The following ALK variants were observed in gnomAD, a reference collection of about 807,000 sequenced individuals.
The protein encoded by ALK is ALK receptor tyrosine kinase.
A neutral mutation model predicts 163.1 loss-of-function variants in ALK; 74 were observed. That is an observed-to-expected ratio of 0.45 (90% confidence interval 0.38 to 0.55). The LOEUF (loss-of-function observed/expected upper bound fraction) is 0.55. Among genes scored for constraint, ALK ranks in the 20% least tolerant of loss-of-function variants. ALK has a pLI of 0.00. For synonymous variants in ALK, 960 were observed against 843.2 expected (o/e 1.14, Z -2.40); for missense variants, 2,063 against 2,105.3 (o/e 0.98, Z 0.39).
intron 3 of ALK, among the ~76,000 whole-genome samples, chr2:29,599,230 A>T (rs1438589330): frequency 6.6e-6 from 1 of 152,052 alleles, no homozygotes; most frequent in Non-Finnish European, 1.5e-5. Context: ...GAGGAGTACT[A>T]TGTAATTGGA....
intron 3 of ALK, among the ~76,000 whole-genome samples, chr2:29,641,000 G>C (rs956706398): frequency 6.6e-6 from 1 of 152,202 alleles, no homozygotes; most frequent in Non-Finnish European, 1.5e-5. Flanking sequence ...TGGAGATGTC[G>C]GGACATTCCA....
intron 5 of ALK, among the ~76,000 whole-genome samples, chr2:29,332,803 C>T (rs567348636): frequency 9.2e-5 from 14 of 152,172 alleles, no homozygotes; most frequent in East Asian, 7.7e-4. Context: ...TTTATGATGA[C>T]GCTTTGAAGA....
At chr2:29,726,940 A>T (rs148915492) in intron 1 of ALK, among the ~76,000 whole-genome samples, 84 of 152,346 alleles carry the variant, frequency 5.5e-4, no homozygotes, top group African/African-American at 1.9e-3. Flanking sequence ...CCAGCTAGGA[A>T]TGCCACTCTA....
chr2:29,617,296 G>A (rs951253000), intron 3 of ALK, among the ~76,000 whole-genome samples: 19 of 152,298 alleles, frequency 1.2e-4, no homozygotes, highest in African/African-American at 4.1e-4. Flanking sequence ...CATCTCTGAA[G>A]GAAGGAGAGC....
intron 1 of ALK, among the ~76,000 whole-genome samples, chr2:29,732,709 C>T (rs1284924275): frequency 6.6e-6 from 1 of 152,110 alleles, no homozygotes; most frequent in Admixed American, 6.5e-5. Context: ...TTAGTGCCCA[C>T]AGAAAAGAGG....
chr2:29,348,396 C>T (rs780837031), intron 5 of ALK, among the ~76,000 whole-genome samples: 67 of 152,186 alleles, frequency 4.4e-4, no homozygotes, highest in Non-Finnish European at 6.6e-4. Context: ...TGTGCATCCT[C>T]GGGGCACCCA....
intron 1 of ALK, among the ~76,000 whole-genome samples, chr2:29,881,424 C>A (rs1666862551): frequency 6.6e-6 from 1 of 152,172 alleles, no homozygotes; most frequent in African/African-American, 2.4e-5. Context: ...CAGAGAGGAG[C>A]ATTTCTGTGT....
At chr2:29,311,420 C>T (rs1666691365) in intron 8 of ALK, among the ~76,000 whole-genome samples, 1 of 152,106 alleles carries the variant, frequency 6.6e-6, no homozygotes, top group Non-Finnish European at 1.5e-5. Context: ...CCCAAAGCCA[C>T]AGGGCAAACA....
chr2:29,384,086 C>T (rs772657539), intron 4 of ALK, among the ~76,000 whole-genome samples: 1 of 152,290 alleles, frequency 6.6e-6, no homozygotes, highest in African/African-American at 2.4e-5. Flanking sequence ...TTCACGAACC[C>T]AGTCTCACCA....
chr2:29,647,658 C>A (rs905710472), intron 3 of ALK, among the ~76,000 whole-genome samples: 1 of 152,116 alleles, frequency 6.6e-6, no homozygotes. Context: ...CCTGATTAAG[C>A]CCGTCCATAC....
chr2:29,251,166 C>T lies in ALK; in HGVS notation c.2143G>A (p.Gly715Arg), dbSNP rs1252096909. Residue 715 changes from glycine to arginine, a missense_variant, in exon 12 of 29, where the codon GGG (glycine) becomes AGG (arginine). Around this residue, in one of 5 missense-constraint regions of ALK, gnomAD observed 987 missense variants for 939.5 expected, o/e 1.05. Transcript: ENST00000389048. ...ATGCCTTTCAGGGGGCCCTCGCTCC[C>T]CACCTCCACGCTCAGGTTGGAGTTC... ...YQNSNLSVEV[G>R]SEGPLKGIQI... The T allele has an allele frequency of 3.1e-6, 5 of 1,614,132 alleles. No homozygotes were observed. The highest frequency in any genetic ancestry group is 2.2e-5 in the East Asian group (1 of 44,866).
At position 29,873,971 on chromosome 2, in the gene ALK, A is replaced by G. The variant is rs111423496; in HGVS notation, c.667+46022T>C. Among the ~76,000 whole-genome samples the G allele has an allele frequency of 9.6e-3, 1,464 of 152,228 alleles. 32 individuals are homozygous for G. The highest frequency in any genetic ancestry group is 0.034 in the African/African-American group (1,397 of 41,526). The stretch of plus-strand genomic sequence containing the variant: ...ACTGGAAGCACTTTCTTTCAGCAGA[A>G]CCCAAATTTAGCAGTGGAAGAAATA... On this transcript the variant is annotated intron_variant, in intron 1 of 28. Transcript: ENST00000389048.
At chr2:29,690,325 G>C (rs1202822750) in intron 3 of ALK, among the ~76,000 whole-genome samples, 3 of 152,158 alleles carry the variant, frequency 2.0e-5, no homozygotes, top group Admixed American at 2.0e-4. Flanking sequence ...GAGAGTCAGA[G>C]GACGGGGAGA....
chr2:29,320,917 G>A, intron 6 of ALK, 35 bp from the exon 7 acceptor site: 2 of 1,613,966 alleles, frequency 1.2e-6, no homozygotes, highest in Non-Finnish European at 1.7e-6. Context: ...ATCATTTTCA[G>A]GACCACTAAA....
intron 1 of ALK, among the ~76,000 whole-genome samples, chr2:29,722,110 C>A (rs908862832): frequency 6.6e-6 from 1 of 152,230 alleles, no homozygotes. Context: ...TCTTTGGTTG[C>A]CTCCTGCTTC....
chr2:29,308,452 T>C (rs1186197253), intron 8 of ALK, among the ~76,000 whole-genome samples: 1 of 152,218 alleles, frequency 6.6e-6, no homozygotes. Context: ...TGAGAGAGGA[T>C]TCTGATGTTG....
intron 26 of ALK, among the ~76,000 whole-genome samples, chr2:29,199,527 A>T (rs1669106772): frequency 6.6e-6 from 1 of 152,206 alleles, no homozygotes; most frequent in African/African-American, 2.4e-5. Flanking sequence ...AACACTATGC[A>T]TAAGATAATT....
intron 1 of ALK, among the ~76,000 whole-genome samples, chr2:29,794,004 T>C (rs1664247638): frequency 6.6e-6 from 1 of 152,214 alleles, no homozygotes; most frequent in Non-Finnish European, 1.5e-5. Flanking sequence ...CATTGACTTC[T>C]CTTTTGTAGC....
intron 26 of ALK, among the ~76,000 whole-genome samples, chr2:29,199,098 C>A (rs894001059): frequency 6.6e-6 from 1 of 151,904 alleles, no homozygotes; most frequent in Non-Finnish European, 1.5e-5. Context: ...GGATTACAGG[C>A]GCCCACCACA....
Sources: gnomAD v4.1 joint callset for allele counts (sites outside exome capture counted in the v4.1 genomes callset) on GRCh38, gnomAD v4.1.1 for gene constraint, gnomAD v4.1.1 regional missense constraint, MANE v1.5 for transcripts, NCBI Gene and HGNC (gene_info 2026-07-23, HGNC 2026-07-21) for gene names.